ACACB: variants seen among roughly 807,000 people sequenced by gnomAD.
ACACB encodes the protein acetyl-CoA carboxylase 2.
A neutral mutation model predicts 278.8 loss-of-function variants in ACACB; 209 were observed. The ratio of observed to expected loss-of-function variants is 0.75; its 90% confidence interval spans 0.67 to 0.84. The LOEUF is 0.84. ACACB is among the 40% of genes least tolerant of loss of function. The probability of loss-of-function intolerance (pLI) is 0.00; values close to 1 mark genes in which losing one functional copy is unlikely to be tolerated. For missense variants in ACACB, 2,850 were observed against 3,269.0 expected, an observed-to-expected ratio of 0.87 and a Z score of 3.13; for synonymous variants, 1,174 against 1,285.6, an observed-to-expected ratio of 0.91 and a Z score of 1.86.
At chr12:109,167,757 T>C in intron 3 of ACACB, 139 bp from the exon 4 acceptor site, 2 of 1,296,326 alleles carry the variant, frequency 1.5e-6, no homozygotes, top group Non-Finnish European at 2.1e-6. Context: ...GCCATGGAAA[T>C]ACATAGAAAT....
chr12:109,123,196 A>AT (rs1309618977), intron 1 of ACACB, among the ~76,000 whole-genome samples: 45 of 151,388 alleles, frequency 3.0e-4, no homozygotes, highest in African/African-American at 6.5e-4. Flanking sequence ...AAAAAAAAAA[A>AT]TTTTTAAACA....
chr12:109,201,804 T>C (rs2284690), intron 19 of ACACB, 103 bp downstream of exon 19: 762,142 of 1,451,330 alleles, frequency 0.53, 201,729 homozygotes, highest in Middle Eastern at 0.63. Context: ...GCGCTTCTCC[T>C]GCCTCCACCT....
chr12:109,133,659 T>C (rs1176350901), intron 1 of ACACB, among the ~76,000 whole-genome samples: 1 of 151,938 alleles, frequency 6.6e-6, no homozygotes, highest in East Asian at 1.9e-4. Context: ...CATTTAAAAT[T>C]TGCCTAAGAT....
intron 34 of ACACB, among the ~76,000 whole-genome samples, chr12:109,239,302 T>C (rs2046726682): frequency 6.6e-6 from 1 of 152,168 alleles, no homozygotes; most frequent in Non-Finnish European, 1.5e-5. Context: ...AGTTTATTAC[T>C]CATAGTTCCC....
upstream of ACACB, among the ~76,000 whole-genome samples, chr12:109,115,927 C>A (rs2042394771): frequency 6.6e-6 from 1 of 152,264 alleles, no homozygotes; most frequent in Non-Finnish European, 1.5e-5. Flanking sequence ...GTGGTCTCCA[C>A]TTTCCTGCTG....
intron 4 of ACACB, among the ~76,000 whole-genome samples, chr12:109,168,317 T>G (rs943751057): frequency 1.3e-5 from 2 of 152,138 alleles, no homozygotes; most frequent in African/African-American, 4.8e-5. Flanking sequence ...CTCCTGCAGG[T>G]GTATGTAATT....
chr12:109,165,707 C>G (rs1379548366), intron 2 of ACACB, among the ~76,000 whole-genome samples: 1 of 152,092 alleles, frequency 6.6e-6, no homozygotes, highest in Admixed American at 6.6e-5. Context: ...CATTGAATAC[C>G]CAGTTTGCTA....
intron 40 of ACACB, chr12:109,248,882 G>A (rs1316371200): frequency 6.6e-6 from 1 of 152,236 alleles, no homozygotes; most frequent in African/African-American, 2.4e-5. Context: ...TTCTCATTAT[G>A]TGGCCCTGGA....
At position 109,240,684 on chromosome 12, in the gene ACACB, G is replaced by A. The variant is rs147870483; in HGVS notation, c.4819-394G>A. On this transcript the variant is annotated intron_variant, in intron 35 of 52. Transcript: ENST00000338432. The stretch of plus-strand genomic sequence containing the variant: ...TCCTGATACATCCGTTTGGTATCTG[G>A]GGGATTCAGGGGACCCATGTGGAGG... 3.4e-3 allele frequency among the ~76,000 whole-genome samples: 507 copies of A among 151,130 alleles called. 1 individual carries two copies. Among genetic ancestry groups the A allele is most frequent in the African/African-American group, 0.012 (495 of 41,214 alleles).
At position 109,162,570 on chromosome 12, in the gene ACACB, A is replaced by C. The variant is rs542498099; in HGVS notation, c.654-4291A>C. 4.6e-5 allele frequency among the ~76,000 whole-genome samples: 7 copies of C among 152,198 alleles called. No individual in the cohort carries two copies. In the South Asian group the frequency reaches 1.0e-3, roughly 23 times the overall value. On this transcript the variant is annotated intron_variant, in intron 2 of 52. Transcript: ENST00000338432. ...GGCAGCAGTTCAAAGGTACATATAG[A>C]GGGTCTTGGGAGAGGGGATCGACAG...
intron 2 of ACACB, among the ~76,000 whole-genome samples, chr12:109,154,421 T>C (rs959300391): frequency 2.0e-5 from 3 of 152,236 alleles, no homozygotes; most frequent in Non-Finnish European, 2.9e-5. Context: ...CTATCGTGTG[T>C]GTATTCAAGC....
intron 44 of ACACB, 27 bp from the exon 45 acceptor site, chr12:109,256,113 C>T: frequency 6.2e-7 from 1 of 1,602,928 alleles, no homozygotes. Context: ...GGCCCTCCAG[C>T]CTGGGCTTCT....
At chr12:109,229,237 C>T (rs1310191376) in intron 28 of ACACB, among the ~76,000 whole-genome samples, 1 of 152,152 alleles carries the variant, frequency 6.6e-6, no homozygotes, top group African/African-American at 2.4e-5. Context: ...GCCACCGTGC[C>T]CAGCCCACAC....
intron 11 of ACACB, among the ~76,000 whole-genome samples, chr12:109,180,385 A>G (rs1199420431): frequency 6.6e-6 from 1 of 152,210 alleles, no homozygotes; most frequent in African/African-American, 2.4e-5. Flanking sequence ...TGAAATTTTA[A>G]TATCACAAAT....
At chr12:109,209,107 G>T in intron 20 of ACACB, 58 bp from the exon 21 acceptor site, 5 of 1,514,722 alleles carry the variant, frequency 3.3e-6, no homozygotes, top group Non-Finnish European at 4.4e-6. Context: ...CCCTGTTTGG[G>T]GCGGTGGTGC....
chr12:109,119,448 G>C (rs2042485048), intron 1 of ACACB, among the ~76,000 whole-genome samples: 2 of 151,974 alleles, frequency 1.3e-5, no homozygotes, highest in South Asian at 4.2e-4. Flanking sequence ...AAATTAGCTG[G>C]GTGTGGTGGC....
intron 18 of ACACB, among the ~76,000 whole-genome samples, chr12:109,201,171 C>G (rs77015645): frequency 0.012 from 1,781 of 152,258 alleles, 39 homozygotes; most frequent in African/African-American, 0.041. Context: ...TTTCTAAGTG[C>G]CTTTAATAAA....
At chr12:109,233,917 C>G in intron 30 of ACACB, 21 bp from the exon 31 acceptor site, 2 of 1,613,528 alleles carry the variant, frequency 1.2e-6, no homozygotes, top group Middle Eastern at 1.7e-4. Context: ...TCCAGCCCTA[C>G]CCCTTGCTTC....
chr12:109,184,625 C>G (rs982351074), intron 11 of ACACB, among the ~76,000 whole-genome samples: 5 of 152,048 alleles, frequency 3.3e-5, no homozygotes, highest in Non-Finnish European at 7.4e-5. Flanking sequence ...TGACACATTC[C>G]ATTTTATTTT....
Sources: gnomAD v4.1 joint callset for allele counts (sites outside exome capture counted in the v4.1 genomes callset) on GRCh38, gnomAD v4.1.1 for gene constraint, MANE v1.5 for transcripts, NCBI Gene and HGNC (gene_info 2026-07-23, HGNC 2026-07-21) for gene names.